Variants in PALLD observed in about 807,000 individuals in gnomAD.
The protein encoded by PALLD is palladin.
In PALLD, 61 loss-of-function variants were observed where a neutral mutation model predicts 123.5. That is an observed-to-expected ratio of 0.49 (90% confidence interval 0.40 to 0.61). The LOEUF (loss-of-function observed/expected upper bound fraction) is 0.61, where lower values mean the gene tolerates loss of function less well. Ranked by LOEUF, PALLD falls within the 20% of genes least tolerant of loss-of-function variation. The pLI is 0.00. For missense variants in PALLD, 1,273 were observed against 1,377.0 expected (o/e 0.92, Z 1.20); for synonymous variants, 465 against 496.4 (o/e 0.94, Z 0.84).
In PALLD at chr4:168,868,483, C is replaced by T. The variant is rs551244170; in HGVS notation, c.1965-22439C>T. Among the ~76,000 whole-genome samples, 4 of 152,336 alleles carry T rather than the reference C, an allele frequency of 2.6e-5. No homozygotes were observed. The East Asian group carries it at 5.8e-4, about 22-fold the overall frequency. On this transcript the variant is annotated intron_variant, in intron 10 of 21. Coordinates refer to ENST00000505667, the MANE Select transcript of PALLD (RefSeq NM_001166108.2). Reference sequence around the variant, plus strand: ...TTGCTTGTAAGAATGCTTACTGCCACACATTCAACCATTGGCCTCATTCTC... The same window carrying T: ...TTGCTTGTAAGAATGCTTACTGCCATACATTCAACCATTGGCCTCATTCTC...
At chr4:168,829,033 T>A (rs1297247683) in intron 10 of PALLD, 1 of 152,250 alleles carries the variant, frequency 6.6e-6, no homozygotes. Flanking sequence ...TGGAATATTC[T>A]TTTTCAAACT....
intron 2 of PALLD, among the ~76,000 whole-genome samples, chr4:168,558,766 G>A (rs1767579882): frequency 6.6e-6 from 1 of 152,080 alleles, no homozygotes; most frequent in Non-Finnish European, 1.5e-5. Context: ...AAGTGAAAAT[G>A]GAATTTCTTT....
chr4:168,530,279 C>T (rs1436549479), intron 2 of PALLD, among the ~76,000 whole-genome samples: 1 of 152,198 alleles, frequency 6.6e-6, no homozygotes, highest in Non-Finnish European at 1.5e-5. Flanking sequence ...AAGGCCTCTG[C>T]CCTTATTCTC....
At chr4:168,906,479 C>G (rs1244118541) in intron 15 of PALLD, among the ~76,000 whole-genome samples, 1 of 152,110 alleles carries the variant, frequency 6.6e-6, no homozygotes, top group Non-Finnish European at 1.5e-5. Flanking sequence ...CATTTAAACT[C>G]TCTTGACAAA....
chr4:168,848,782 T>C (rs114624837), intron 10 of PALLD, among the ~76,000 whole-genome samples: 1 of 152,336 alleles, frequency 6.6e-6, no homozygotes, highest in African/African-American at 2.4e-5. Flanking sequence ...AGATGCAGCT[T>C]TGTAAGTATA....
In PALLD at chr4:168,916,057, A is replaced by G. The variant is rs986221733; in HGVS notation, c.2850+30A>G. 3.1e-6 allele frequency: 5 copies of G among 1,602,996 alleles called. No individual in the cohort carries two copies. The African/African-American group carries it at 5.3e-5, about 17-fold the overall frequency. On this transcript the variant is annotated intron_variant, in intron 17 of 21. Coordinates refer to ENST00000505667, the MANE Select transcript of PALLD (RefSeq NM_001166108.2). ...GATTTTGTTATTGCTTGCATATCCT[A>G]TTGCCCCACTTCTCCCTCACTTGCC... is the stretch of plus-strand genomic sequence containing the variant.
chr4:168,503,766 G>C (rs1045665363), intron 1 of PALLD, among the ~76,000 whole-genome samples: 1 of 152,200 alleles, frequency 6.6e-6, no homozygotes, highest in African/African-American at 2.4e-5. Context: ...TGGTGAGTGG[G>C]CCAGGGAGGC....
chr4:168,867,003 C>T (rs921688874), intron 10 of PALLD, among the ~76,000 whole-genome samples: 3 of 152,162 alleles, frequency 2.0e-5, no homozygotes, highest in Non-Finnish European at 2.9e-5. Flanking sequence ...TAAGATAAGT[C>T]GTGGTGCTTT....
chr4:168,673,464 C>A (rs772263454), intron 3 of PALLD, among the ~76,000 whole-genome samples: 8 of 152,214 alleles, frequency 5.3e-5, no homozygotes, highest in Non-Finnish European at 1.2e-4. Flanking sequence ...ACTGGAACAT[C>A]AGGTGGAAGA....
intron 10 of PALLD, among the ~76,000 whole-genome samples, chr4:168,720,684 A>G (rs751521074): frequency 2.6e-5 from 4 of 152,174 alleles, no homozygotes; most frequent in Admixed American, 2.6e-4. Context: ...TCTCACTCCC[A>G]GTCTTAGATA....
At chr4:168,867,906 GAA>G (rs531178016) in intron 10 of PALLD, among the ~76,000 whole-genome samples, 2 of 110,172 alleles carry the variant, frequency 1.8e-5, no homozygotes, top group African/African-American at 3.3e-5. Flanking sequence ...TAAGTGAAGA[GAA>G]AAAAAAAAAA....
chr4:168,772,469 G>T (rs1734585734), intron 10 of PALLD, among the ~76,000 whole-genome samples: 1 of 152,198 alleles, frequency 6.6e-6, no homozygotes, highest in Non-Finnish European at 1.5e-5. Context: ...CAGCCCCAGA[G>T]TGATGATGCC....
At chr4:168,822,151 G>A (rs1233506441) in intron 10 of PALLD, among the ~76,000 whole-genome samples, 1 of 152,100 alleles carries the variant, frequency 6.6e-6, no homozygotes, top group Non-Finnish European at 1.5e-5. Context: ...ATTTCCAAGA[G>A]GACTCAGGAC....
chr4:168,581,783 AT>A (rs1770307314), intron 2 of PALLD, among the ~76,000 whole-genome samples: 1 of 151,384 alleles, frequency 6.6e-6, no homozygotes, highest in Non-Finnish European at 1.5e-5. Context: ...CCATTTAACT[AT>A]TTTTACTTTT....
chr4:168,557,308 T>G (rs975368743), intron 2 of PALLD, among the ~76,000 whole-genome samples: 3 of 152,116 alleles, frequency 2.0e-5, no homozygotes, highest in Admixed American at 1.3e-4. Context: ...CCTCCCAAAG[T>G]GCTGGGATTA....
chr4:168,614,493 T>C (rs1774031455), intron 2 of PALLD, among the ~76,000 whole-genome samples: 1 of 152,140 alleles, frequency 6.6e-6, no homozygotes, highest in Non-Finnish European at 1.5e-5. Flanking sequence ...TTTCTCCAAT[T>C]TGAAAAACCA....
At chr4:168,680,122 A>G (rs1368770320) in intron 3 of PALLD, among the ~76,000 whole-genome samples, 1 of 152,194 alleles carries the variant, frequency 6.6e-6, no homozygotes, top group Non-Finnish European at 1.5e-5. Context: ...CCAAGTGAAC[A>G]TGCCATGTGA....
chr4:168,527,422 CAAAAAAAAA>C (rs35555541), intron 2 of PALLD, among the ~76,000 whole-genome samples: 1 of 52,916 alleles, frequency 1.9e-5, no homozygotes, highest in Non-Finnish European at 3.0e-5. Context: ...AACTCCATCT[CAAAAAAAAA>C]AAAAAAAAAA....
chr4:168,670,650 G>A (rs557589607), intron 3 of PALLD, among the ~76,000 whole-genome samples: 85 of 149,174 alleles, frequency 5.7e-4, no homozygotes, highest in African/African-American at 1.9e-3. Flanking sequence ...GGAGAATTGC[G>A]TGAACCCGGG....
Sources: gnomAD v4.1 joint callset for allele counts (sites outside exome capture counted in the v4.1 genomes callset) on GRCh38, gnomAD v4.1.1 for gene constraint, MANE v1.5 for transcripts, NCBI Gene and HGNC (gene_info 2026-07-23, HGNC 2026-07-21) for gene names.